The following PCDHGA11 variants were observed in gnomAD, a reference collection of about 807,000 sequenced individuals.
PCDHGA11 encodes the protein protocadherin gamma-A11.
In PCDHGA11, 39 loss-of-function variants were observed where a neutral mutation model predicts 60.4. That is an observed-to-expected ratio of 0.65 (90% CI 0.50 to 0.84). The LOEUF is 0.84. PCDHGA11 is among the 40% of genes least tolerant of loss of function. PCDHGA11 has a pLI of 0.00. For missense variants in PCDHGA11, 1,165 were observed against 1,197.7 expected, an observed-to-expected ratio of 0.97 and a Z score of 0.40; for synonymous variants, 533 against 510.3, an observed-to-expected ratio of 1.04 and a Z score of -0.60.
chr5:141,511,403 A>C lies in PCDHGA11; in HGVS notation c.*230A>C. On this transcript the variant is annotated 3_prime_UTR_variant, in exon 4 of 4. Coordinates refer to ENST00000398587, the MANE Select transcript of PCDHGA11 (RefSeq NM_018914.3). Reference sequence around the variant, plus strand: ...TCCGCTGGGAACCCCCATCCAATCAACTGCTGTACCCATGGGGGTAGTGGG... The same window carrying C: ...TCCGCTGGGAACCCCCATCCAATCACCTGCTGTACCCATGGGGGTAGTGGG... 8.5e-6 allele frequency: 8 copies of C among 939,018 alleles called. No individual in the cohort carries two copies. The highest frequency in any genetic ancestry group is 1.2e-5 in the Non-Finnish European group (8 of 650,834). The allele number at this position is 939,018 out of a possible 1,614,324, so 58.2% of individuals were successfully genotyped here. A position where few individuals can be genotyped will look rare whatever the true frequency, so the allele number is the denominator to read the frequency against.
intron 1 of PCDHGA11, among the ~76,000 whole-genome samples, chr5:141,467,047 A>G (rs1271306217): frequency 1.3e-5 from 2 of 149,986 alleles, no homozygotes; most frequent in East Asian, 3.9e-4. Context: ...GTAATGAATC[A>G]ATGTTTTCTT....
chr5:141,485,899 C>A lies in PCDHGA11; in HGVS notation c.2434-8908C>A, dbSNP rs775312856. 12 of 1,614,166 alleles carry A rather than the reference C, an allele frequency of 7.4e-6. No individual in the cohort carries two copies. The highest frequency in any genetic ancestry group is 8.5e-6 in the Non-Finnish European group (10 of 1,180,032). On this transcript the variant is annotated intron_variant, in intron 1 of 3. Coordinates refer to ENST00000398587, the MANE Select transcript of PCDHGA11 (RefSeq NM_018914.3). The surrounding 1 kb of genome is among the most constrained non-coding windows in gnomAD (Gnocchi z 5.7). ...ACGTAAACGACAACGCCCCAGCCTT[C>A]CAGCAATCCAGCTACAGGATTAGTG...
chr5:141,478,164 C>G lies in PCDHGA11; in HGVS notation c.2434-16643C>G, dbSNP rs202185809. On this transcript the variant is annotated intron_variant, in intron 1 of 3. Transcript: ENST00000398587. Reference sequence around the variant, plus strand: ...GCCGAGTTCCCCTCTGGCTCTGCCCCCCGGGAGCAGAAAAAAAATCTCACC... The same window carrying G: ...GCCGAGTTCCCCTCTGGCTCTGCCCGCCGGGAGCAGAAAAAAAATCTCACC... The G allele has an allele frequency of 1.0e-4, 167 of 1,613,890 alleles. No homozygotes were observed. Among genetic ancestry groups the G allele is most frequent in the Non-Finnish European group, 1.3e-4 (157 of 1,180,048 alleles).
In PCDHGA11 at chr5:141,432,009, G is replaced by A. The variant is rs1227754190; in HGVS notation, c.2433+8349G>A. ...GTCTTGGATAGGGAACAGGTTCCTA[G>A]CTACAACATCACAGTGACCGCCACT... On this transcript the variant is annotated intron_variant, in intron 1 of 3. Coordinates refer to ENST00000398587, the MANE Select transcript of PCDHGA11 (RefSeq NM_018914.3). The surrounding 1 kb of genome is among the most constrained non-coding windows in gnomAD (Gnocchi z 6.0). The A allele has an allele frequency of 1.2e-6, 2 of 1,614,188 alleles. No homozygotes were observed. The highest frequency in any genetic ancestry group is 1.7e-6 in the Non-Finnish European group (2 of 1,180,024).
Position 141,422,900 on chromosome 5 carries a change from A to G in PCDHGA11, c.1673A>G (p.Asp558Gly), listed in dbSNP as rs2096684887. The change falls in exon 1 of 4, where the codon GAC becomes GGC. Residue 558 changes from aspartate to glycine, a missense_variant. Coordinates refer to ENST00000398587, the MANE Select transcript of PCDHGA11 (RefSeq NM_018914.3). ...AGCCTGTTCGTGCTGGACCAGAACGACAATGCGCCCGAGATCCTGTACCCT... is the reference window on the plus strand; with the variant it reads ...AGCCTGTTCGTGCTGGACCAGAACGGCAATGCGCCCGAGATCCTGTACCCT... ...SLSLFVLDQN[D>G]NAPEILYPAL... 2 of 1,614,220 alleles carry G rather than the reference A, an allele frequency of 1.2e-6. No individual in the cohort carries two copies. Among genetic ancestry groups the G allele is most frequent in the South Asian group, 2.2e-5 (2 of 91,084 alleles).
At chr5:141,492,068 G>A in intron 1 of PCDHGA11, 1 of 479,628 alleles carries the variant, frequency 2.1e-6, no homozygotes, top group Non-Finnish European at 3.7e-6. Flanking sequence ...AGCCTCCTAG[G>A]CGCCGGCTCC....
At chr5:141,469,374 A>G (rs1270202528) in intron 1 of PCDHGA11, among the ~76,000 whole-genome samples, 1 of 152,076 alleles carries the variant, frequency 6.6e-6, no homozygotes, top group Non-Finnish European at 1.5e-5. Flanking sequence ...AAAGAGATCG[A>G]GACCATCCTG....
intron 2 of PCDHGA11, 35 bp from the exon 3 acceptor site, chr5:141,505,358 G>A (rs1156448862): frequency 6.2e-7 from 1 of 1,613,796 alleles, no homozygotes; most frequent in Non-Finnish European, 8.5e-7. Context: ...GTGCCGGCCT[G>A]GGAGTCTGTG....
intron 1 of PCDHGA11, chr5:141,428,729 A>T (rs1362138016): frequency 6.3e-6 from 1 of 159,768 alleles, no homozygotes; most frequent in East Asian, 1.8e-4. Flanking sequence ...AATCTTAAAC[A>T]TATTATATCT....
chr5:141,448,421 A>G (rs1380029405), intron 1 of PCDHGA11, among the ~76,000 whole-genome samples: 1 of 152,132 alleles, frequency 6.6e-6, no homozygotes, highest in Non-Finnish European at 1.5e-5. Flanking sequence ...ACAATATACT[A>G]TGTATATATT....
At position 141,454,263 on chromosome 5, in the gene PCDHGA11, T is replaced by C. The variant is rs954231508; in HGVS notation, c.2433+30603T>C. Among the ~76,000 whole-genome samples, 42 of 152,140 alleles carry C rather than the reference T, an allele frequency of 2.8e-4. 1 individual carries two copies. Among genetic ancestry groups the C allele is most frequent in the South Asian group, 1.0e-3 (5 of 4,826 alleles). On this transcript the variant is annotated intron_variant, in intron 1 of 3. Coordinates refer to ENST00000398587, the MANE Select transcript of PCDHGA11 (RefSeq NM_018914.3). Reference sequence around the variant, plus strand: ...GATGAAGATGTCCCAGAGAAAGTAATGCCAGCAAAAACTTCACATTAAAGG... The same window carrying C: ...GATGAAGATGTCCCAGAGAAAGTAACGCCAGCAAAAACTTCACATTAAAGG...
In PCDHGA11 at chr5:141,476,707, G is replaced by A. The variant is rs1309848893; in HGVS notation, c.2434-18100G>A. 6.2e-7 allele frequency: 1 copy of A among 1,614,206 alleles called. No individual in the cohort carries two copies. The highest frequency in any genetic ancestry group is 1.7e-5 in the Admixed American group (1 of 60,032). On this transcript the variant is annotated intron_variant, in intron 1 of 3. Coordinates refer to ENST00000398587, the MANE Select transcript of PCDHGA11 (RefSeq NM_018914.3). This position sits in a 1 kb window ranked among gnomAD's most constrained non-coding sequence, Gnocchi z 7.6. ...ACAGCACCAAGTACGCGGAGCTGGT[G>A]TTGGAGCGCGCCCTGGACCGAGAAC...
intron 1 of PCDHGA11, among the ~76,000 whole-genome samples, chr5:141,465,422 G>A (rs74711061): frequency 0.01 from 1,576 of 152,260 alleles, 21 homozygotes; most frequent in African/African-American, 0.037. Context: ...AGCACTGAAA[G>A]GTGGGCACTT....
chr5:141,468,330 CAA>C lies in PCDHGA11; in HGVS notation c.2434-26459_2434-26458del, dbSNP rs533390277. 202 of 79,822 alleles carry C rather than the reference CAA, an allele frequency of 2.5e-3. 2 individuals are homozygous for C. The highest frequency in any genetic ancestry group is 7.9e-3 in the Middle Eastern group (1 of 126). The allele number at this position is 79,822 out of a possible 1,614,324, so 4.9% of individuals were successfully genotyped here. Reference sequence around the variant, plus strand: ...ACAAGAGCAACGGTAAACTCCATCTCAAAAAAAAAAAAAAAAAAAGAAAGAAA... The same window carrying C: ...ACAAGAGCAACGGTAAACTCCATCTCAAAAAAAAAAAAAAAAAGAAAGAAA... On this transcript the variant is annotated intron_variant, in intron 1 of 3. Transcript: ENST00000398587.
chr5:141,463,910 A>G (rs2099071862), intron 1 of PCDHGA11, among the ~76,000 whole-genome samples: 1 of 152,178 alleles, frequency 6.6e-6, no homozygotes, highest in Admixed American at 6.5e-5. Flanking sequence ...CTAATAATAT[A>G]TCCTGGAAAT....
At chr5:141,454,123 C>CT (rs1273558932) in intron 1 of PCDHGA11, among the ~76,000 whole-genome samples, 5 of 152,194 alleles carry the variant, frequency 3.3e-5, no homozygotes, top group Non-Finnish European at 7.3e-5. Flanking sequence ...GAAGAAATAG[C>CT]TGACCATGGG....
intron 1 of PCDHGA11, chr5:141,428,388 C>G (rs1299321513): frequency 4.0e-6 from 2 of 506,160 alleles, no homozygotes; most frequent in Non-Finnish European, 7.3e-6. Context: ...GCTCTTCCAG[C>G]CCCTCTGCCT....
Position 141,490,885 on chromosome 5 carries a change from T to C in PCDHGA11, c.2434-3922T>C, listed in dbSNP as rs1317781676. The stretch of plus-strand genomic sequence containing the variant: ...CTCTCCCCCATTGCATGCCAACACA[T>C]CTCTGCATGTGTTTGTCCTAGACGA... On this transcript the variant is annotated intron_variant, in intron 1 of 3. Coordinates refer to ENST00000398587, the MANE Select transcript of PCDHGA11 (RefSeq NM_018914.3). This position sits in a 1 kb window ranked among gnomAD's most constrained non-coding sequence, Gnocchi z 5.4. The C allele has an allele frequency of 6.2e-7, 1 of 1,613,872 alleles. No individual in the cohort carries two copies. Among genetic ancestry groups the C allele is most frequent in the Non-Finnish European group, 8.5e-7 (1 of 1,179,904 alleles).
intron 1 of PCDHGA11, among the ~76,000 whole-genome samples, chr5:141,456,691 G>A (rs564429451): frequency 3.3e-5 from 5 of 152,234 alleles, no homozygotes; most frequent in South Asian, 4.1e-4. Flanking sequence ...CTGGCCAGGC[G>A]TGGTGGCTCG....
Sources: allele counts gnomAD v4.1 joint callset (sites outside exome capture counted in the v4.1 genomes callset), GRCh38; gene constraint gnomAD v4.1.1; non-coding constraint Gnocchi (gnomAD v3.1); transcripts MANE v1.5; gene names NCBI Gene and HGNC (gene_info 2026-07-23, HGNC 2026-07-21).